The following KAZN variants were observed in gnomAD, a reference collection of about 807,000 sequenced individuals.
KAZN encodes the protein kazrin.
In KAZN, 40 loss-of-function variants were observed where a neutral mutation model predicts 87.4. The ratio of observed to expected loss-of-function variants is 0.46; its 90% confidence interval spans 0.36 to 0.60. The LOEUF (loss-of-function observed/expected upper bound fraction) is 0.60. Among genes scored for constraint, KAZN ranks in the 20% least tolerant of loss-of-function variants. The pLI is 0.00. For missense variants in KAZN, 898 were observed against 1,073.9 expected, an observed-to-expected ratio of 0.84 and a Z score of 2.29; for synonymous variants, 466 against 458.3, an observed-to-expected ratio of 1.02 and a Z score of -0.22.
chr1:15,031,892 G>T (rs1013644081), intron 2 of KAZN, among the ~76,000 whole-genome samples: 4 of 152,156 alleles, frequency 2.6e-5, no homozygotes, highest in Non-Finnish European at 4.4e-5. Flanking sequence ...ACAAGCATGA[G>T]CCAAGGCGCC....
At chr1:14,998,805 C>G (rs1390008218) in intron 2 of KAZN, among the ~76,000 whole-genome samples, 1 of 152,202 alleles carries the variant, frequency 6.6e-6, no homozygotes, top group Non-Finnish European at 1.5e-5. Flanking sequence ...CCACCTCGAC[C>G]TCCCACAGTG....
At chr1:14,265,675 G>GC (rs1273541466) in intron 2 of KAZN, among the ~76,000 whole-genome samples, 1 of 152,140 alleles carries the variant, frequency 6.6e-6, no homozygotes, top group Non-Finnish European at 1.5e-5. Context: ...TATTTCACAT[G>GC]CCCCCACAGC....
At chr1:14,890,131 C>T (rs899019792) in intron 1 of KAZN, among the ~76,000 whole-genome samples, 5 of 152,226 alleles carry the variant, frequency 3.3e-5, no homozygotes, top group Non-Finnish European at 7.3e-5. Context: ...CTTCCCAGAA[C>T]TTGCTGAACA....
In KAZN at chr1:15,077,195, T is replaced by C. The variant is rs141744690; in HGVS notation, c.1222+11442T>C. On this transcript the variant is annotated intron_variant, in intron 8 of 14. Coordinates refer to ENST00000376030, the MANE Select transcript of KAZN (RefSeq NM_201628.3). This position sits in a 1 kb window ranked among gnomAD's most constrained non-coding sequence, Gnocchi z 4.8. The stretch of plus-strand genomic sequence containing the variant: ...TAATTTAGTGTCCATTGGGGGAAAA[T>C]TTCCAAGGCCCTAATTTGTCTCAGG... Among the ~76,000 whole-genome samples, 570 of 152,162 alleles carry C rather than the reference T, an allele frequency of 3.7e-3. No homozygotes were observed. The highest frequency in any genetic ancestry group is 0.013 in the African/African-American group (533 of 41,482).
chr1:14,272,690 C>G (rs1371260273), intron 2 of KAZN, among the ~76,000 whole-genome samples: 1 of 151,934 alleles, frequency 6.6e-6, no homozygotes, highest in African/African-American at 2.4e-5. Flanking sequence ...AACCCTGTCT[C>G]TACTAAAAAT....
At chr1:15,044,188 T>G in intron 4 of KAZN, 29 bp downstream of exon 4, 1 of 1,378,914 alleles carries the variant, frequency 7.3e-7, no homozygotes, top group Admixed American at 2.0e-5. Context: ...CAGGTGGGCC[T>G]GGCATCTGCT....
At chr1:14,109,307 G>A (rs1557482517) in intron 1 of KAZN, among the ~76,000 whole-genome samples, 2 of 152,200 alleles carry the variant, frequency 1.3e-5, no homozygotes, top group Non-Finnish European at 2.9e-5. Flanking sequence ...TATTGGCAAT[G>A]ATCCATTTAT....
chr1:14,055,943 A>G (rs573970394), intron 1 of KAZN, among the ~76,000 whole-genome samples: 1 of 152,254 alleles, frequency 6.6e-6, no homozygotes, highest in Non-Finnish European at 1.5e-5. Context: ...CGTTCCCTTC[A>G]CTGTCCAGTC....
At chr1:14,211,834 T>C (rs1048613200) in intron 2 of KAZN, among the ~76,000 whole-genome samples, 38 of 152,080 alleles carry the variant, frequency 2.5e-4, no homozygotes, top group African/African-American at 8.5e-4. Context: ...TTTTTTTTTT[T>C]CCTTGGTTTT....
At chr1:14,805,631 G>A (rs948584618) in intron 1 of KAZN, among the ~76,000 whole-genome samples, 1 of 152,030 alleles carries the variant, frequency 6.6e-6, no homozygotes, top group Non-Finnish European at 1.5e-5. Context: ...GGTGGCTCAT[G>A]ACTGTAATCC....
At chr1:14,307,524 G>T (rs1340239524) in intron 2 of KAZN, among the ~76,000 whole-genome samples, 1 of 152,176 alleles carries the variant, frequency 6.6e-6, no homozygotes, top group Non-Finnish European at 1.5e-5. Flanking sequence ...CGTGGAAACT[G>T]AAACTCAAAG....
At chr1:14,543,090 G>T (rs937968746) in intron 2 of KAZN, among the ~76,000 whole-genome samples, 1 of 152,140 alleles carries the variant, frequency 6.6e-6, no homozygotes, top group African/African-American at 2.4e-5. Context: ...CTGGGTCACC[G>T]TGGACATATC....
intron 2 of KAZN, among the ~76,000 whole-genome samples, chr1:14,496,783 C>T (rs1040362915): frequency 2.6e-5 from 4 of 151,494 alleles, no homozygotes; most frequent in African/African-American, 9.7e-5. Flanking sequence ...ACATGCAAAG[C>T]GTGATATTCA....
At chr1:14,372,904 T>A (rs922137432) in intron 2 of KAZN, among the ~76,000 whole-genome samples, 2 of 152,078 alleles carry the variant, frequency 1.3e-5, no homozygotes, top group Admixed American at 1.3e-4. Flanking sequence ...ATGAACAAAT[T>A]AATAACTAAT....
At chr1:14,223,627 G>A (rs1049318517) in intron 2 of KAZN, among the ~76,000 whole-genome samples, 2 of 152,088 alleles carry the variant, frequency 1.3e-5, no homozygotes, top group Non-Finnish European at 2.9e-5. Context: ...AATTTCTATT[G>A]TTTTTGCAAA....
intron 2 of KAZN, among the ~76,000 whole-genome samples, chr1:14,376,463 T>C (rs1422755798): frequency 6.6e-6 from 1 of 152,144 alleles, no homozygotes. Context: ...GTTCAGCCTT[T>C]CCTTCTCAAT....
intron 1 of KAZN, among the ~76,000 whole-genome samples, chr1:14,156,914 T>C (rs4662126): frequency 0.49 from 56,142 of 113,934 alleles, 11,948 homozygotes; most frequent in East Asian, 0.67. Flanking sequence ...TCTTTTGTTT[T>C]TTTTTTTTTT....
At chr1:14,739,934 G>A (rs1274170004) in intron 1 of KAZN, among the ~76,000 whole-genome samples, 2 of 152,172 alleles carry the variant, frequency 1.3e-5, no homozygotes, top group Non-Finnish European at 2.9e-5. Context: ...CAATTCTTCA[G>A]TGGGAAATGT....
chr1:14,051,000 A>C (rs1642304721), intron 1 of KAZN, among the ~76,000 whole-genome samples: 1 of 152,210 alleles, frequency 6.6e-6, no homozygotes, highest in South Asian at 2.1e-4. Flanking sequence ...AAAAGTATAG[A>C]TTTAATTCAG....
Sources: gnomAD v4.1 joint callset for allele counts (sites outside exome capture counted in the v4.1 genomes callset) on GRCh38, gnomAD v4.1.1 for gene constraint, Gnocchi (gnomAD v3.1) non-coding constraint, MANE v1.5 for transcripts, NCBI Gene and HGNC (gene_info 2026-07-23, HGNC 2026-07-21) for gene names.